The following SATB2 variants were observed in gnomAD, a reference collection of about 807,000 sequenced individuals.
SATB2 encodes SATB homeobox 2.
A neutral mutation model predicts 73.4 loss-of-function variants in SATB2; 1 was observed. The ratio of observed to expected loss-of-function variants is 0.01; its 90% CI spans 0.00 to 0.06. The LOEUF is 0.06. Among genes scored for constraint, SATB2 ranks in the 10% least tolerant of loss-of-function variants. SATB2 has a pLI of 1.00. For synonymous variants in SATB2, 397 were observed against 367.0 expected (o/e 1.08, Z -0.93); for missense variants, 459 against 945.8 (o/e 0.49, Z 6.75).
At chr2:199,401,318 CA>C (rs1411483117) in intron 3 of SATB2, among the ~76,000 whole-genome samples, 1 of 151,860 alleles carries the variant, frequency 6.6e-6, no homozygotes, top group Admixed American at 6.6e-5. Context: ...GAGGCCAAGG[CA>C]GGCGGACTAC....
intron 3 of SATB2, among the ~76,000 whole-genome samples, chr2:199,430,781 T>C (rs528607380): frequency 7.9e-5 from 12 of 152,346 alleles, no homozygotes; most frequent in East Asian, 1.9e-4. Context: ...TGCCCTGTCA[T>C]TGGGACTTGA....
At chr2:199,303,408 G>A (rs1226719708) in intron 10 of SATB2, among the ~76,000 whole-genome samples, 1 of 152,150 alleles carries the variant, frequency 6.6e-6, no homozygotes, top group Non-Finnish European at 1.5e-5. Context: ...TGAAGGAGAA[G>A]CAGCAGCAGT....
chr2:199,344,171 T>C (rs1349115375), intron 7 of SATB2, among the ~76,000 whole-genome samples: 1 of 152,160 alleles, frequency 6.6e-6, no homozygotes, highest in Admixed American at 6.5e-5. Flanking sequence ...AGGAGCTGTA[T>C]ACATAACCAG....
At chr2:199,281,457 C>T (rs997220538) in intron 10 of SATB2, among the ~76,000 whole-genome samples, 22 of 134,916 alleles carry the variant, frequency 1.6e-4, no homozygotes, top group Non-Finnish European at 2.8e-4. Flanking sequence ...GAGATGAGAA[C>T]ACAAACAAGA....
chr2:199,443,921 T>C (rs1324680372), intron 2 of SATB2, among the ~76,000 whole-genome samples: 2 of 152,212 alleles, frequency 1.3e-5, no homozygotes, highest in Non-Finnish European at 2.9e-5. Context: ...TGGTTTGCAA[T>C]ACATAGGATA....
At chr2:199,401,763 A>G (rs532204075) in intron 3 of SATB2, among the ~76,000 whole-genome samples, 7 of 152,262 alleles carry the variant, frequency 4.6e-5, no homozygotes, top group African/African-American at 1.7e-4. Flanking sequence ...AGAGGCTGGC[A>G]GTAAGCTTGG....
intron 6 of SATB2, among the ~76,000 whole-genome samples, chr2:199,365,952 T>A (rs901957705): frequency 6.6e-6 from 1 of 152,172 alleles, no homozygotes; most frequent in African/African-American, 2.4e-5. Flanking sequence ...CAGAATCACA[T>A]AGCTTATGTT....
rs1687486103 is a variant in SATB2 at position 199,308,070 on chromosome 2, T to G, written c.1740+690A>C. Among the ~76,000 whole-genome samples, 1 of 152,148 alleles carries G rather than the reference T, an allele frequency of 6.6e-6. No individual in the cohort carries two copies. The highest frequency in any genetic ancestry group is 6.5e-5 in the Admixed American group (1 of 15,268). On this transcript the variant is annotated intron_variant, in intron 10 of 10. Transcript: ENST00000417098. This position sits in a 1 kb window ranked among gnomAD's most constrained non-coding sequence, Gnocchi z 4.6. Reference sequence around the variant, plus strand: ...CTAACGTTGGAAACCTCAACTAATATTTCTTCTTAAAAGCAATTAATTTTA... The same window carrying G: ...CTAACGTTGGAAACCTCAACTAATAGTTCTTCTTAAAAGCAATTAATTTTA...
At chr2:199,405,772 C>T (rs1399726496) in intron 3 of SATB2, among the ~76,000 whole-genome samples, 2 of 151,602 alleles carry the variant, frequency 1.3e-5, no homozygotes, top group African/African-American at 4.8e-5. Context: ...TCTGGTTATA[C>T]ATAGTTTTTT....
chr2:199,273,287 C>T (rs1692213198), intron 10 of SATB2, among the ~76,000 whole-genome samples: 1 of 152,148 alleles, frequency 6.6e-6, no homozygotes, highest in Non-Finnish European at 1.5e-5. Flanking sequence ...TCTGGAGGGT[C>T]GATCTTTGCC....
intron 8 of SATB2, 146 bp from the exon 9 acceptor site, chr2:199,324,104 GTTAA>G: frequency 1.2e-6 from 1 of 845,330 alleles, no homozygotes; most frequent in Non-Finnish European, 2.0e-6. Flanking sequence ...TTCTAATCAG[GTTAA>G]TTGTGATTGG....
Position 199,368,593 on chromosome 2 carries a change from A to G in SATB2, c.700+12T>C. On this transcript the variant is annotated intron_variant, in intron 6 of 10. Coordinates refer to ENST00000417098, the MANE Select transcript of SATB2 (RefSeq NM_001172509.2). ...CTGAAAACAGGCTTTACAAACAAAAAAGTCAGTTTACCTTTAATCTTCTTG... is the reference window on the plus strand; with the variant it reads ...CTGAAAACAGGCTTTACAAACAAAAGAGTCAGTTTACCTTTAATCTTCTTG... The G allele has an allele frequency of 6.6e-7, 1 of 1,519,062 alleles. No individual in the cohort carries two copies. The highest frequency in any genetic ancestry group is 2.3e-5 in the East Asian group (1 of 44,364). The allele number at this position is 1,519,062 out of a possible 1,614,324, so 94.1% of individuals were successfully genotyped here.
At chr2:199,323,459 A>T (rs1198073860) in intron 9 of SATB2, among the ~76,000 whole-genome samples, 3 of 137,854 alleles carry the variant, frequency 2.2e-5, no homozygotes, top group Non-Finnish European at 3.1e-5. Flanking sequence ...TGTTATATAC[A>T]TTCTAAGTTT....
Position 199,308,301 on chromosome 2 carries a change from A to G in SATB2, c.1740+459T>C, listed in dbSNP as rs1397653209. ...GTCTCTCAAGGTTCAGCTGAGTTCA[A>G]TGGTATTCCCTAGGTCATGTGGCTA... On this transcript the variant is annotated intron_variant, in intron 10 of 10. Coordinates refer to ENST00000417098, the MANE Select transcript of SATB2 (RefSeq NM_001172509.2). This position sits in a 1 kb window ranked among gnomAD's most constrained non-coding sequence, Gnocchi z 4.6. 6.6e-6 allele frequency among the ~76,000 whole-genome samples: 1 copy of G among 152,178 alleles called. No homozygotes were observed. The highest frequency in any genetic ancestry group is 1.5e-5 in the Non-Finnish European group (1 of 68,036).
intron 8 of SATB2, 132 bp from the exon 9 acceptor site, chr2:199,324,090 A>G: frequency 2.2e-6 from 2 of 902,272 alleles, no homozygotes; most frequent in Non-Finnish European, 3.7e-6. Context: ...CTTCCTGTCC[A>G]TTATTCTAAT....
intron 10 of SATB2, among the ~76,000 whole-genome samples, chr2:199,300,931 G>A (rs1051131374): frequency 3.3e-5 from 5 of 151,834 alleles, no homozygotes; most frequent in African/African-American, 1.2e-4. Flanking sequence ...GTGTGTTATG[G>A]AGGTCCAGTC....
chr2:199,342,614 C>T (rs1479516890), intron 7 of SATB2, among the ~76,000 whole-genome samples: 1 of 152,076 alleles, frequency 6.6e-6, no homozygotes, highest in Non-Finnish European at 1.5e-5. Flanking sequence ...TGTGCTGTAT[C>T]CCTACCCCAG....
intron 9 of SATB2, 117 bp downstream of exon 9, chr2:199,323,686 G>C (rs1687953856): frequency 1.7e-6 from 2 of 1,157,390 alleles, no homozygotes; most frequent in East Asian, 2.5e-5. Context: ...AACATGACAG[G>C]TTTCTTGGGG....
intron 6 of SATB2, among the ~76,000 whole-genome samples, chr2:199,366,334 C>T (rs1289216031): frequency 6.6e-6 from 1 of 152,012 alleles, no homozygotes; most frequent in Non-Finnish European, 1.5e-5. Flanking sequence ...CATTACTTTC[C>T]CATGAGAAAT....
Sources: allele counts gnomAD v4.1 joint callset (sites outside exome capture counted in the v4.1 genomes callset), GRCh38; gene constraint gnomAD v4.1.1; non-coding constraint Gnocchi (gnomAD v3.1); transcripts MANE v1.5; gene names NCBI Gene and HGNC (gene_info 2026-07-23, HGNC 2026-07-21).